The following STAC2 variants were observed in gnomAD, a reference collection of about 807,000 sequenced individuals.
The protein encoded by STAC2 is SH3 and cysteine-rich domain-containing protein 2.
Under a neutral mutation model 49.0 loss-of-function variants are expected in STAC2, and 36 were observed. The ratio of observed to expected loss-of-function variants is 0.74; its 90% confidence interval spans 0.56 to 0.97. The LOEUF (loss-of-function observed/expected upper bound fraction) is 0.97, where lower values mean the gene tolerates loss of function less well. Among genes scored for constraint, STAC2 ranks in the 50% least tolerant of loss-of-function variants. STAC2 has a pLI of 0.00. For missense variants in STAC2, 527 were observed against 543.8 expected (o/e 0.97, Z 0.31); for synonymous variants, 239 against 214.7 (o/e 1.11, Z -0.99).
rs190348563 is a variant in STAC2, at chr17:39,222,559, C to T, written c.90+2854G>A. 2.0e-3 allele frequency among the ~76,000 whole-genome samples: 302 copies of T among 152,322 alleles called. 2 individuals carry two copies. The highest frequency in any genetic ancestry group is 6.9e-3 in the African/African-American group (286 of 41,570). On this transcript the variant is annotated intron_variant, in intron 1 of 10. Coordinates refer to ENST00000333461, the MANE Select transcript of STAC2 (RefSeq NM_198993.5). ...TTTGGCTCAGCCAGGCCAGGTATTC[C>T]GGCTCCTGGGGCTCCTCATTCCTGG... is the stretch of plus-strand genomic sequence containing the variant.
At chr17:39,214,452 G>T in intron 7 of STAC2, 122 bp from the exon 8 acceptor site, 1 of 1,510,462 alleles carries the variant, frequency 6.6e-7, no homozygotes, top group Non-Finnish European at 8.9e-7. Context: ...TAGGTCAACG[G>T]CAGGGAGAAG....
In STAC2 at chr17:39,212,148, G is replaced by T. The variant is rs1164722726; in HGVS notation, c.*144C>A. On this transcript the variant is annotated 3_prime_UTR_variant, in exon 11 of 11. Coordinates refer to ENST00000333461, the MANE Select transcript of STAC2 (RefSeq NM_198993.5). Reference sequence around the variant, plus strand: ...AATAAAATCTTCCCCAGTACAAAAGGCTCCTAAGCCACGGTAAGTGGCACC... The same window carrying T: ...AATAAAATCTTCCCCAGTACAAAAGTCTCCTAAGCCACGGTAAGTGGCACC... 2 of 449,330 alleles carry T rather than the reference G, an allele frequency of 4.5e-6. No homozygotes were observed. Among genetic ancestry groups the T allele is most frequent in the East Asian group, 5.0e-5 (1 of 19,956 alleles). 27.8% of individuals were successfully genotyped at this position (449,330 alleles called of 1,614,324 possible). A position where few individuals can be genotyped will look rare whatever the true frequency, so the allele number is the denominator to read the frequency against.
chr17:39,216,797 G>C lies in STAC2; in HGVS notation c.586+13C>G, dbSNP rs115983808. The C allele has an allele frequency of 8.9e-5, 141 of 1,576,438 alleles. No homozygotes were observed. The highest frequency in any genetic ancestry group is 8.6e-4 in the African/African-American group (64 of 74,184). ...CAATGGGAGCAGGGACTGCGGCCAGGGGGGGCACTCACCAGTGGGTGGGGA... is the reference window on the plus strand; with the variant it reads ...CAATGGGAGCAGGGACTGCGGCCAGCGGGGGCACTCACCAGTGGGTGGGGA... On this transcript the variant is annotated intron_variant, in intron 4 of 10. Coordinates refer to ENST00000333461, the MANE Select transcript of STAC2 (RefSeq NM_198993.5).
chr17:39,216,880 G>T lies in STAC2; in HGVS notation c.516C>A (p.Asn172Lys). The T allele has an allele frequency of 6.2e-7, 1 of 1,603,676 alleles. No homozygotes were observed. The highest frequency in any genetic ancestry group is 8.5e-7 in the Non-Finnish European group (1 of 1,175,228). ...CATGCACCAGGAGAGGGGAACTGAA[G>T]TTGCGGCGGAAGGAGGTGGACTATG... is the stretch of plus-strand genomic sequence containing the variant. Reference protein sequence around the residue: ...PGKTSTSFRRNFSSPLLVHEP... With the variant: ...PGKTSTSFRRKFSSPLLVHEP... The change falls in exon 4 of 11, where the codon AAC becomes AAA. Residue 172 changes from asparagine to lysine, a missense_variant. Transcript: ENST00000333461.
rs901487523 is a variant in STAC2, at chr17:39,214,235, C to T, written c.939G>A (p.Leu313=). 2 of 1,613,836 alleles carry T rather than the reference C, an allele frequency of 1.2e-6. No homozygotes were observed. Among genetic ancestry groups the T allele is most frequent in the Non-Finnish European group, 1.7e-6 (2 of 1,179,814 alleles). The change falls in exon 8 of 11, where the codon CTG becomes CTA. Residue 313 remains leucine, a splice_region_variant and synonymous_variant. Coordinates refer to ENST00000333461, the MANE Select transcript of STAC2 (RefSeq NM_198993.5). ...GCCAGGTCACAAAGAGGACTTACTG[C>T]AGAGCCAGATCATTGTTCTCCTGGG... ...FLPQENNDLA[L]QPGDRIMLVD...
At chr17:39,217,835 C>T in intron 2 of STAC2, 32 bp downstream of exon 2, 3 of 1,574,250 alleles carry the variant, frequency 1.9e-6, no homozygotes, top group Non-Finnish European at 1.7e-6. Context: ...GCTGGCCCCT[C>T]CCCGTGGCCG....
intron 9 of STAC2, 79 bp from the exon 10 acceptor site, chr17:39,213,211 C>T: frequency 1.3e-6 from 2 of 1,576,334 alleles, no homozygotes; most frequent in South Asian, 1.2e-5. Context: ...AGACCCGGTT[C>T]CCACTCAGCA....
intron 7 of STAC2, 61 bp downstream of exon 7, chr17:39,214,730 A>G: frequency 6.3e-7 from 1 of 1,579,432 alleles, no homozygotes. Flanking sequence ...AATCAATGGC[A>G]AGGAGAAATT....
chr17:39,212,364 A>T lies in STAC2; in HGVS notation c.1164T>A (p.Ala388=). ...ICVGVGRSKD[A]DGFIRVSSGK... is the part of the protein sequence containing the mutation. ...CACTGCTGACGCGGATGAAGCCGTC[A>T]GCATCCTTGCTTCTGCCCACGCCCA... The change falls in exon 11 of 11, where the codon GCT becomes GCA. Residue 388 remains alanine, a synonymous_variant. Transcript: ENST00000333461. The T allele has an allele frequency of 6.2e-7, 1 of 1,611,906 alleles. No homozygotes were observed. Among genetic ancestry groups the T allele is most frequent in the Non-Finnish European group, 8.5e-7 (1 of 1,178,952 alleles).
At chr17:39,218,228 G>A (rs562587931) in intron 1 of STAC2, 55 bp from the exon 2 acceptor site, 55 of 1,598,070 alleles carry the variant, frequency 3.4e-5, no homozygotes, top group African/African-American at 2.3e-4. Context: ...TGGCCAGGGC[G>A]GGCTTCCCTT....
At chr17:39,223,993 AAG>A (rs2046486541) in intron 1 of STAC2, among the ~76,000 whole-genome samples, 1 of 152,150 alleles carries the variant, frequency 6.6e-6, no homozygotes, top group East Asian at 1.9e-4. Flanking sequence ...AGAAGGGGGC[AAG>A]AGAGAGTCAG....
Position 39,225,763 on chromosome 17 carries a change from C to T in STAC2, c.-261G>A. 1 of 504,112 alleles carries T rather than the reference C, an allele frequency of 2.0e-6. No individual in the cohort carries two copies. Among genetic ancestry groups the T allele is most frequent in the East Asian group, 3.9e-5 (1 of 25,588 alleles). 31.2% of individuals were successfully genotyped at this position (504,112 alleles called of 1,614,324 possible). A position where few individuals can be genotyped will look rare whatever the true frequency, so the allele number is the denominator to read the frequency against. On this transcript the variant is annotated 5_prime_UTR_variant, in exon 1 of 11. Coordinates refer to ENST00000333461, the MANE Select transcript of STAC2 (RefSeq NM_198993.5). This position sits in a 1 kb window ranked among gnomAD's most constrained non-coding sequence, Gnocchi z 8.2. ...GACCGAGGGTCTGCAGAGGATGCTG[C>T]TCGCAGCGCGGGGAGGAGGGAAGTG... is the stretch of plus-strand genomic sequence containing the variant.
intron 1 of STAC2, among the ~76,000 whole-genome samples, chr17:39,222,483 C>T (rs1030643274): frequency 6.6e-6 from 1 of 152,240 alleles, no homozygotes; most frequent in Non-Finnish European, 1.5e-5. Flanking sequence ...TGCCAAATGA[C>T]TTGATGCCTG....
At chr17:39,223,595 C>T (rs967300258) in intron 1 of STAC2, among the ~76,000 whole-genome samples, 1 of 152,198 alleles carries the variant, frequency 6.6e-6, no homozygotes, top group South Asian at 2.1e-4. Context: ...CTTCCCTCCC[C>T]ACACAGCTGA....
chr17:39,214,349 G>C lies in STAC2; in HGVS notation c.844-19C>G. On this transcript the variant is annotated intron_variant, in intron 7 of 10. Transcript: ENST00000333461. ...TGGGGAGCTGCGGGAGAATCTCTGG[G>C]TCGGTGACCGGAAAGCAGCACCCTC... is the stretch of plus-strand genomic sequence containing the variant. 1 of 1,613,644 alleles carries C rather than the reference G, an allele frequency of 6.2e-7. No homozygotes were observed. Among genetic ancestry groups the C allele is most frequent in the Non-Finnish European group, 8.5e-7 (1 of 1,179,752 alleles).
At chr17:39,217,315 G>A (rs2046414558) in intron 2 of STAC2, 142 bp from the exon 3 acceptor site, 1 of 739,870 alleles carries the variant, frequency 1.4e-6, no homozygotes, top group South Asian at 1.7e-5. Flanking sequence ...CACACAGTCA[G>A]GGTATGAGGG....
intron 1 of STAC2, among the ~76,000 whole-genome samples, chr17:39,221,076 G>A (rs966829806): frequency 1.3e-5 from 2 of 151,344 alleles, no homozygotes; most frequent in East Asian, 1.9e-4. Context: ...GATTACAGGC[G>A]TGAGCCACCA....
chr17:39,217,994 G>A lies in STAC2; in HGVS notation c.270C>T (p.Thr90=), dbSNP rs965200284. ...PPTASDRGLA[T]PSPSPCPVPR... is the part of the protein sequence containing the mutation. ...GGACTGGGCATGGGGAGGGGGATGG[G>A]GTAGCCAGGCCCCTGTCCGAGGCTG... Residue 90 remains threonine, a synonymous_variant, in exon 2 of 11, where the codon ACC becomes ACT. Coordinates refer to ENST00000333461, the MANE Select transcript of STAC2 (RefSeq NM_198993.5). The A allele has an allele frequency of 3.2e-6, 5 of 1,585,244 alleles. No individual in the cohort carries two copies. The African/African-American group carries it at 6.7e-5, about 21-fold the overall frequency.
intron 1 of STAC2, among the ~76,000 whole-genome samples, chr17:39,222,568 G>A (rs1472584296): frequency 6.6e-6 from 1 of 152,112 alleles, no homozygotes; most frequent in African/African-American, 2.4e-5. Flanking sequence ...CCGGCTCCTG[G>A]GGCTCCTCAT....
Sources: allele counts gnomAD v4.1 joint callset (sites outside exome capture counted in the v4.1 genomes callset), GRCh38; gene constraint gnomAD v4.1.1; non-coding constraint Gnocchi (gnomAD v3.1); transcripts MANE v1.5; gene names NCBI Gene and HGNC (gene_info 2026-07-23, HGNC 2026-07-21).